Variants in CHL1 observed in about 807,000 individuals in gnomAD.
CHL1 encodes the protein neural cell adhesion molecule L1-like protein.
In CHL1, 96 loss-of-function variants were observed where a neutral mutation model predicts 141.9. The observed-to-expected ratio is 0.68, with a 90% CI of 0.57 to 0.80. CHL1 has a LOEUF of 0.80. CHL1 is among the 30% of genes least tolerant of loss of function. The probability of loss-of-function intolerance (pLI) is 0.00; values close to 1 mark genes in which losing one functional copy is unlikely to be tolerated. For synonymous variants in CHL1, 613 were observed against 502.2 expected (o/e 1.22, Z -2.95); for missense variants, 1,820 against 1,457.2 (o/e 1.25, Z -4.05).
intron 11 of CHL1, among the ~76,000 whole-genome samples, chr3:358,081 A>G (rs936058815): frequency 1.3e-5 from 2 of 152,338 alleles, no homozygotes; most frequent in African/African-American, 4.8e-5. Flanking sequence ...TAACAAATTA[A>G]ATTACCATAA....
chr3:279,589 G>A lies in CHL1; in HGVS notation c.-95+34897G>A, dbSNP rs141973515. Among the ~76,000 whole-genome samples, 585 of 152,198 alleles carry A rather than the reference G, an allele frequency of 3.8e-3. 9 individuals carry two copies. The highest frequency in any genetic ancestry group is 0.022 in the Admixed American group (339 of 15,286). ...CAATTTTTCCTGGCATTTCTTAAAT[G>A]GTCTTTTTTATTCACTGAATCTCCT... On this transcript the variant is annotated intron_variant, in intron 2 of 27. Transcript: ENST00000256509.
At chr3:250,054 T>A (rs1047235284) in intron 2 of CHL1, among the ~76,000 whole-genome samples, 4 of 151,902 alleles carry the variant, frequency 2.6e-5, no homozygotes, top group Admixed American at 2.6e-4. Context: ...GCAGCTTTGA[T>A]CTCCCAGGCT....
At chr3:359,148 T>C (rs1703981807) in intron 11 of CHL1, among the ~76,000 whole-genome samples, 1 of 151,776 alleles carries the variant, frequency 6.6e-6, no homozygotes, top group Admixed American at 6.6e-5. Context: ...ATCCAACTTC[T>C]CTGTAATCCA....
intron 2 of CHL1, among the ~76,000 whole-genome samples, chr3:271,514 A>G (rs1695635003): frequency 6.6e-6 from 1 of 152,238 alleles, no homozygotes; most frequent in Non-Finnish European, 1.5e-5. Context: ...TTATTTACTC[A>G]TATTACATGA....
chr3:250,180 G>T (rs550923907), intron 2 of CHL1, among the ~76,000 whole-genome samples: 5 of 151,894 alleles, frequency 3.3e-5, no homozygotes, highest in African/African-American at 1.2e-4. Flanking sequence ...GCCCAGGCTG[G>T]TCTTGAACTC....
rs1175005378 is a variant in CHL1 at position 406,595 on chromosome 3, T to C, written c.*884T>C. 6.6e-6 allele frequency: 1 copy of C among 152,130 alleles called. No individual in the cohort carries two copies. Among genetic ancestry groups the C allele is most frequent in the East Asian group, 1.9e-4 (1 of 5,198 alleles). The allele number at this position is 152,130 out of a possible 1,614,324, so 9.4% of individuals were successfully genotyped here. A position where few individuals can be genotyped will look rare whatever the true frequency, so the allele number is the denominator to read the frequency against. On this transcript the variant is annotated 3_prime_UTR_variant, in exon 28 of 28. Transcript: ENST00000256509. ...TAATGGTATGCTTGCATATATTTCA[T>C]GAATACATTGTACATATTATGTTAA...
rs532757157 is a variant in CHL1 at position 231,857 on chromosome 3, A to G, written c.-174-12756A>G. 1.6e-4 allele frequency among the ~76,000 whole-genome samples: 25 copies of G among 152,178 alleles called. No homozygotes were observed. The East Asian group carries it at 3.7e-3, about 22-fold the overall frequency. ...CTCTCAAAGTGCTGGGATTACAGGC[A>G]TGAACTACCACACCCAGCCTAGACC... On this transcript the variant is annotated intron_variant, in intron 1 of 27. Coordinates refer to ENST00000256509, the MANE Select transcript of CHL1 (RefSeq NM_006614.4).
chr3:331,228 T>G (rs1341171600), intron 5 of CHL1, among the ~76,000 whole-genome samples: 1 of 151,812 alleles, frequency 6.6e-6, no homozygotes, highest in Non-Finnish European at 1.5e-5. Flanking sequence ...TTTGTTTGTT[T>G]GTTTGTTTGT....
At chr3:202,422 A>G (rs965242915) in intron 1 of CHL1, among the ~76,000 whole-genome samples, 2 of 152,228 alleles carry the variant, frequency 1.3e-5, no homozygotes, top group Admixed American at 6.5e-5. Flanking sequence ...ACATATACCA[A>G]TAATGATTGC....
At chr3:334,595 A>G (rs1701712930) in intron 5 of CHL1, among the ~76,000 whole-genome samples, 1 of 152,212 alleles carries the variant, frequency 6.6e-6, no homozygotes, top group Admixed American at 6.5e-5. Context: ...TCCATGTAGT[A>G]GCATATATCA....
At chr3:261,037 A>C (rs1694669810) in intron 2 of CHL1, among the ~76,000 whole-genome samples, 1 of 152,122 alleles carries the variant, frequency 6.6e-6, no homozygotes. Context: ...CTGAATGATG[A>C]CCTAAGCTGT....
rs1289573833 is a variant in CHL1, at chr3:214,952, A to C, written c.-175+17889A>C. Among the ~76,000 whole-genome samples, 7 of 64,568 alleles carry C rather than the reference A, an allele frequency of 1.1e-4. No individual in the cohort carries two copies. The East Asian group carries it at 3.6e-3, about 33-fold the overall frequency. The allele number at this position is 64,568 out of a possible 152,430, so 42.4% of individuals were successfully genotyped here. Reference sequence around the variant, plus strand: ...GAGAATTGAAATGCCTAGCATGTGCACGTGCACACACACACACACACACAC... The same window carrying C: ...GAGAATTGAAATGCCTAGCATGTGCCCGTGCACACACACACACACACACAC... On this transcript the variant is annotated intron_variant, in intron 1 of 27. Coordinates refer to ENST00000256509, the MANE Select transcript of CHL1 (RefSeq NM_006614.4).
intron 10 of CHL1, among the ~76,000 whole-genome samples, chr3:351,664 A>T (rs900368918): frequency 1.8e-4 from 27 of 152,200 alleles, no homozygotes; most frequent in African/African-American, 6.5e-4. Flanking sequence ...TTCTGAAAAC[A>T]CCCATTGTGC....
At chr3:321,234 T>A (rs1235278301) in intron 3 of CHL1, among the ~76,000 whole-genome samples, 1 of 152,112 alleles carries the variant, frequency 6.6e-6, no homozygotes, top group East Asian at 1.9e-4. Flanking sequence ...CCTTCTCTAT[T>A]ATTTTTAACA....
At chr3:236,397 G>A (rs1297265903) in intron 1 of CHL1, among the ~76,000 whole-genome samples, 2 of 152,110 alleles carry the variant, frequency 1.3e-5, no homozygotes, top group African/African-American at 4.8e-5. Context: ...GTCCTTCTAG[G>A]TCAGCCTTCT....
At chr3:222,276 T>G (rs1044988159) in intron 1 of CHL1, among the ~76,000 whole-genome samples, 5 of 151,366 alleles carry the variant, frequency 3.3e-5, no homozygotes, top group Non-Finnish European at 7.4e-5. Context: ...TTTACTTGCC[T>G]TTTTTTTAGC....
intron 5 of CHL1, among the ~76,000 whole-genome samples, chr3:331,265 G>A (rs968551383): frequency 6.6e-6 from 1 of 151,958 alleles, no homozygotes; most frequent in Non-Finnish European, 1.5e-5. Flanking sequence ...CTCTCTCCAG[G>A]TCAGGCTGGA....
chr3:276,767 T>C (rs1574936321), intron 2 of CHL1, among the ~76,000 whole-genome samples: 1 of 151,884 alleles, frequency 6.6e-6, no homozygotes, highest in African/African-American at 2.4e-5. Context: ...CCGGCACCTG[T>C]AGTCCCAGCT....
intron 1 of CHL1, among the ~76,000 whole-genome samples, chr3:242,610 A>C (rs1416863948): frequency 5.2e-5 from 2 of 38,514 alleles, no homozygotes; most frequent in Non-Finnish European, 7.4e-5. Context: ...TAAATAAATA[A>C]AATAAAATAA....
Sources: allele counts gnomAD v4.1 joint callset (sites outside exome capture counted in the v4.1 genomes callset), GRCh38; gene constraint gnomAD v4.1.1; transcripts MANE v1.5; gene names NCBI Gene and HGNC (gene_info 2026-07-23, HGNC 2026-07-21).